The following SPATA19 variants were observed in gnomAD, a reference collection of about 807,000 sequenced individuals.
SPATA19 encodes the protein spermatogenesis-associated protein 19, mitochondrial.
Under a neutral mutation model 25.0 loss-of-function variants are expected in SPATA19, and 19 were observed. That is an observed-to-expected ratio of 0.76 (90% CI 0.53 to 1.11). The LOEUF is 1.11. Among genes scored for constraint, SPATA19 ranks in the 50% most tolerant of loss-of-function variants. The pLI is 0.00. For missense variants in SPATA19, 222 were observed against 211.4 expected, an observed-to-expected ratio of 1.05 and a Z score of -0.31; for synonymous variants, 64 against 69.3, an observed-to-expected ratio of 0.92 and a Z score of 0.38.
chr11:133,839,224 A>G (rs1938259619), downstream of SPATA19, among the ~76,000 whole-genome samples: 1 of 152,188 alleles, frequency 6.6e-6, no homozygotes, highest in South Asian at 2.1e-4. Flanking sequence ...ATAAAGACAC[A>G]TGCACACGTA....
rs950931391 is a variant in SPATA19, at chr11:133,845,144, C to T, written c.125G>A (p.Trp42Ter). 14 of 1,612,678 alleles carry T rather than the reference C, an allele frequency of 8.7e-6. No individual in the cohort carries two copies. Among genetic ancestry groups the T allele is most frequent in the Non-Finnish European group, 1.1e-5 (13 of 1,179,574 alleles). ...AGAAATCTTACTCACTTTTTTCAAC[C>T]AATGATGTAGTACAGACACAGCCTC... is the stretch of plus-strand genomic sequence containing the variant. ...ESEAVSVLHH[W>*]LKKTEEEASR... Residue 42 changes from tryptophan to a stop codon, truncating the protein, a stop_gained, in exon 2 of 7, where the codon TGG becomes TAG. Coordinates refer to ENST00000299140, the MANE Select transcript of SPATA19 (RefSeq NM_174927.3). LOFTEE classifies it high-confidence loss of function.
intron 4 of SPATA19, among the ~76,000 whole-genome samples, chr11:133,843,480 G>A (rs1399402714): frequency 1.3e-5 from 2 of 152,158 alleles, no homozygotes; most frequent in African/African-American, 2.4e-5. Context: ...CCACTAGAAG[G>A]GGTAAGCACA....
rs1428979326 is a variant in SPATA19, at chr11:133,845,456, T to C, written c.-10A>G. The C allele has an allele frequency of 1.2e-6, 2 of 1,613,964 alleles. No homozygotes were observed. Among genetic ancestry groups the C allele is most frequent in the Non-Finnish European group, 1.7e-6 (2 of 1,179,930 alleles). On this transcript the variant is annotated 5_prime_UTR_variant, in exon 1 of 7. The change creates a new upstream start codon in the 5' untranslated region. Transcript: ENST00000299140. ...ATGTCGTAATTATCATCTTTGAATG[T>C]ATACCAGGCCCCCTTCTTGGCTCCC... is the stretch of plus-strand genomic sequence containing the variant.
In SPATA19 at chr11:133,840,844, G is replaced by C. The variant is rs946013543; in HGVS notation, c.*89C>G. 24 of 152,190 alleles carry C rather than the reference G, an allele frequency of 1.6e-4. No individual in the cohort carries two copies. The highest frequency in any genetic ancestry group is 5.8e-4 in the African/African-American group (24 of 41,410). The allele number at this position is 152,190 out of a possible 1,614,324, so 9.4% of individuals were successfully genotyped here. On this transcript the variant is annotated 3_prime_UTR_variant, in exon 7 of 7. Coordinates refer to ENST00000299140, the MANE Select transcript of SPATA19 (RefSeq NM_174927.3). Reference sequence around the variant, plus strand: ...AGAGAAATGCCCAGGGGACACAGCAGGGAGATGTGGTTGGCCAAGGGGTAG... The same window carrying C: ...AGAGAAATGCCCAGGGGACACAGCACGGAGATGTGGTTGGCCAAGGGGTAG...
downstream of SPATA19, among the ~76,000 whole-genome samples, chr11:133,839,348 G>A (rs956335016): frequency 1.3e-5 from 2 of 152,180 alleles, no homozygotes; most frequent in Non-Finnish European, 2.9e-5. Context: ...ATACTATGCA[G>A]CCATAAAAAA....
downstream of SPATA19, among the ~76,000 whole-genome samples, chr11:133,835,970 C>A (rs79778873): frequency 6.6e-6 from 1 of 152,182 alleles, no homozygotes; most frequent in African/African-American, 2.4e-5. Context: ...TCTCTGCCGC[C>A]GTCCTTTGGC....
chr11:133,843,255 A>G (rs76588534), intron 4 of SPATA19, among the ~76,000 whole-genome samples: 2,200 of 152,282 alleles, frequency 0.014, 23 homozygotes, highest in Middle Eastern at 0.075. Context: ...TGTGTGTGTT[A>G]TCCAAACCAA....
At chr11:133,842,232 G>C in intron 5 of SPATA19, 127 bp from the exon 6 acceptor site, 1 of 938,518 alleles carries the variant, frequency 1.1e-6, no homozygotes, top group Non-Finnish European at 1.7e-6. Context: ...CACTGGGCCT[G>C]GGAGCACAGT....
chr11:133,835,933 C>T (rs1408300536), downstream of SPATA19, among the ~76,000 whole-genome samples: 1 of 152,208 alleles, frequency 6.6e-6, no homozygotes, highest in Non-Finnish European at 1.5e-5. Context: ...CACGAACCTG[C>T]CACTGCCCAG....
intron 5 of SPATA19, 135 bp downstream of exon 5, chr11:133,842,350 G>A: frequency 1.3e-6 from 1 of 795,408 alleles, no homozygotes; most frequent in Non-Finnish European, 2.2e-6. Context: ...GCAGCCCTGG[G>A]AACTGTGTGT....
intron 4 of SPATA19, among the ~76,000 whole-genome samples, chr11:133,842,996 A>G (rs1046565905): frequency 1.3e-5 from 2 of 152,092 alleles, no homozygotes; most frequent in Non-Finnish European, 2.9e-5. Context: ...TCCCCTGGGG[A>G]GCCTCCTTGC....
intron 2 of SPATA19, among the ~76,000 whole-genome samples, 166 bp from the exon 3 acceptor site, chr11:133,844,806 A>G (rs752389410): frequency 4.6e-5 from 7 of 152,186 alleles, no homozygotes; most frequent in Non-Finnish European, 8.8e-5. Flanking sequence ...ACTTCCCTGT[A>G]AAGTCCTCAG....
downstream of SPATA19, among the ~76,000 whole-genome samples, chr11:133,838,073 G>A (rs1052799482): frequency 3.3e-5 from 5 of 152,118 alleles, no homozygotes; most frequent in African/African-American, 1.2e-4. Context: ...ATCATGTCCT[G>A]CTTTCCCCAA....
rs778862807 is a variant in SPATA19, at chr11:133,845,458, T to G, written c.-12A>C. On this transcript the variant is annotated 5_prime_UTR_variant, in exon 1 of 7. Transcript: ENST00000299140. ...GTCGTAATTATCATCTTTGAATGTA[T>G]ACCAGGCCCCCTTCTTGGCTCCCTC... is the stretch of plus-strand genomic sequence containing the variant. 6.2e-7 allele frequency: 1 copy of G among 1,613,830 alleles called. No individual in the cohort carries two copies. The highest frequency in any genetic ancestry group is 8.5e-7 in the Non-Finnish European group (1 of 1,179,860).
chr11:133,841,345 T>G (rs1938303782), intron 6 of SPATA19, among the ~76,000 whole-genome samples: 1 of 152,140 alleles, frequency 6.6e-6, no homozygotes, highest in Non-Finnish European at 1.5e-5. Flanking sequence ...ATACAGTAAG[T>G]CCTTGATAAA....
At chr11:133,837,446 C>T (rs898008514), downstream of SPATA19, among the ~76,000 whole-genome samples, 75 of 152,342 alleles carry the variant, frequency 4.9e-4, no homozygotes, top group African/African-American at 1.5e-3. Flanking sequence ...GGGGGATCCC[C>T]ACACTTTCAT....
At chr11:133,842,864 CCTTCTGAATTCAGT>C (rs1938339552) in intron 4 of SPATA19, among the ~76,000 whole-genome samples, 1 of 152,072 alleles carries the variant, frequency 6.6e-6, no homozygotes, top group South Asian at 2.1e-4. Flanking sequence ...TGGAATTCAC[CCTTCTGAATTCAGT>C]CTTCTGAATT....
In SPATA19 at chr11:133,844,581, C is replaced by G. The variant is rs138068697; in HGVS notation, c.195G>C (p.Gln65His). 6.2e-7 allele frequency: 1 copy of G among 1,613,810 alleles called. No homozygotes were observed. The highest frequency in any genetic ancestry group is 1.7e-5 in the Admixed American group (1 of 59,970). The change falls in exon 3 of 7, where the codon CAG becomes CAC. Residue 65 changes from glutamine (Q) to histidine (H), a missense_variant. Gln to His is a conservative substitution (Grantham distance 24). Transcript: ENST00000299140. ...KEKLSINHPS[Q>H]GVREKMSTDS... is the part of the protein sequence containing the mutation. ...CAGTGGACATCTTCTCCCTTACACC[C>G]TGGGAAGGGTGGTTGATGGACAGCT... is the stretch of plus-strand genomic sequence containing the variant.
chr11:133,844,342 G>A lies in SPATA19; in HGVS notation c.268-5C>T. The A allele has an allele frequency of 6.2e-7, 1 of 1,614,072 alleles. No homozygotes were observed. The highest frequency in any genetic ancestry group is 8.5e-7 in the Non-Finnish European group (1 of 1,179,938). On this transcript the variant is annotated splice_polypyrimidine_tract_variant and splice_region_variant and intron_variant, in intron 3 of 6. Transcript: ENST00000299140. ...CTTAGAGAGGTGGTGCTTCACCTGGGAAATCCAGAGGGTCCATGTGATTCC... is the reference window on the plus strand; with the variant it reads ...CTTAGAGAGGTGGTGCTTCACCTGGAAAATCCAGAGGGTCCATGTGATTCC...
Sources: allele counts gnomAD v4.1 joint callset (sites outside exome capture counted in the v4.1 genomes callset), GRCh38; gene constraint gnomAD v4.1.1; transcripts MANE v1.5; gene names NCBI Gene and HGNC (gene_info 2026-07-23, HGNC 2026-07-21).